COL25A1: variants seen among roughly 807,000 people sequenced by gnomAD.
The protein encoded by COL25A1 is collagen type XXV alpha 1 chain, also known as collagen alpha-1(XXV) chain.
COL25A1 carries 103 observed loss-of-function variants against 128.4 expected under a neutral mutation model. The ratio of observed to expected loss-of-function variants is 0.80; its 90% confidence interval spans 0.68 to 0.94. The LOEUF is 0.94. Ranked by LOEUF, COL25A1 falls within the 40% of genes least tolerant of loss-of-function variation. The probability of loss-of-function intolerance (pLI) is 0.00; values close to 1 mark genes in which losing one functional copy is unlikely to be tolerated. For synonymous variants in COL25A1, 279 were observed against 277.2 expected (o/e 1.01, Z -0.06); for missense variants, 745 against 840.0 (o/e 0.89, Z 1.40).
chr4:109,180,925 C>T (rs941364406), intron 3 of COL25A1, among the ~76,000 whole-genome samples: 37 of 152,026 alleles, frequency 2.4e-4, no homozygotes, highest in African/African-American at 8.7e-4. Context: ...AGAGATATAT[C>T]TTTTTTCTGA....
chr4:109,247,674 C>T (rs903818315), intron 3 of COL25A1, among the ~76,000 whole-genome samples: 1 of 152,106 alleles, frequency 6.6e-6, no homozygotes, highest in Non-Finnish European at 1.5e-5. Context: ...CAGATGAAGT[C>T]AGTCTTGAAC....
chr4:109,023,446 T>C (rs1486317888), intron 5 of COL25A1, among the ~76,000 whole-genome samples: 1 of 152,208 alleles, frequency 6.6e-6, no homozygotes, highest in Non-Finnish European at 1.5e-5. Flanking sequence ...GTTGATTAAA[T>C]AGTAACAAGA....
chr4:109,048,828 A>C (rs893865667), intron 4 of COL25A1, among the ~76,000 whole-genome samples: 10 of 152,128 alleles, frequency 6.6e-5, no homozygotes, highest in Admixed American at 6.5e-4. Flanking sequence ...CTTTTTCCCC[A>C]AAATCCTCTT....
intron 37 of COL25A1, among the ~76,000 whole-genome samples, chr4:108,816,900 C>T (rs551715252): frequency 1.7e-4 from 26 of 152,282 alleles, no homozygotes; most frequent in African/African-American, 4.8e-4. Flanking sequence ...CTAGAATAAA[C>T]TGATGTCATA....
intron 5 of COL25A1, among the ~76,000 whole-genome samples, chr4:109,045,462 T>G (rs1386121852): frequency 6.6e-6 from 1 of 152,188 alleles, no homozygotes; most frequent in Non-Finnish European, 1.5e-5. Flanking sequence ...ACTGTAATAA[T>G]CCCATTGTTC....
chr4:109,248,643 T>C (rs1266417106), intron 3 of COL25A1, among the ~76,000 whole-genome samples: 2 of 152,116 alleles, frequency 1.3e-5, no homozygotes, highest in African/African-American at 4.8e-5. Context: ...AAAGCACTAG[T>C]ACTTCGCAGC....
chr4:108,902,701 C>G (rs1325887688), intron 13 of COL25A1, among the ~76,000 whole-genome samples: 1 of 151,894 alleles, frequency 6.6e-6, no homozygotes, highest in Non-Finnish European at 1.5e-5. Flanking sequence ...GTCTTAACCT[C>G]CTGGAAAAAA....
chr4:108,943,899 C>A (rs924897668), intron 8 of COL25A1, among the ~76,000 whole-genome samples: 2 of 151,238 alleles, frequency 1.3e-5, no homozygotes, highest in African/African-American at 4.9e-5. Context: ...ATGGCCTAGG[C>A]TCTCCCTCTT....
At chr4:109,119,602 CACTT>C (rs1767929653) in intron 3 of COL25A1, among the ~76,000 whole-genome samples, 1 of 152,010 alleles carries the variant, frequency 6.6e-6, no homozygotes, top group Non-Finnish European at 1.5e-5. Context: ...TGCCCAAACT[CACTT>C]ACACAGATCT....
At position 108,980,543 on chromosome 4, in the gene COL25A1, G is replaced by A. The variant is rs76413366; in HGVS notation, c.439-5984C>T. On this transcript the variant is annotated intron_variant, in intron 6 of 37. Coordinates refer to ENST00000399132, the MANE Select transcript of COL25A1 (RefSeq NM_198721.4). ...TAGTGTTATATTTCAAATCCACAGT[G>A]TTGGCAGCGTCGGCTGGCCTAATTG... Among the ~76,000 whole-genome samples the A allele has an allele frequency of 4.9e-3, 742 of 152,318 alleles. 17 individuals carry two copies. The East Asian group carries it at 0.067, about 14-fold the overall frequency.
At chr4:109,139,249 T>G (rs191551190) in intron 3 of COL25A1, among the ~76,000 whole-genome samples, 1 of 152,210 alleles carries the variant, frequency 6.6e-6, no homozygotes, top group Non-Finnish European at 1.5e-5. Context: ...ATGGATAGAA[T>G]GCAAAAATTT....
chr4:108,953,067 C>T (rs572006656), intron 8 of COL25A1, among the ~76,000 whole-genome samples: 1 of 152,160 alleles, frequency 6.6e-6, no homozygotes, highest in South Asian at 2.1e-4. Context: ...GAAAATCATC[C>T]TGTACTTCCT....
intron 6 of COL25A1, among the ~76,000 whole-genome samples, chr4:109,004,080 A>G (rs1414313699): frequency 6.6e-6 from 1 of 151,758 alleles, no homozygotes; most frequent in Admixed American, 6.6e-5. Context: ...TCATTCTAAT[A>G]CCCTTTCACC....
intron 6 of COL25A1, among the ~76,000 whole-genome samples, chr4:108,999,671 G>A (rs1755157236): frequency 6.6e-6 from 1 of 152,152 alleles, no homozygotes; most frequent in South Asian, 2.1e-4. Context: ...GCACACGTAT[G>A]TTTATTACGG....
chr4:109,171,765 C>T (rs999266838), intron 3 of COL25A1, among the ~76,000 whole-genome samples: 8 of 152,164 alleles, frequency 5.3e-5, no homozygotes, highest in African/African-American at 1.9e-4. Flanking sequence ...GGCCACACAC[C>T]TTGAAATGCA....
At chr4:109,093,880 A>G (rs1034374871) in intron 3 of COL25A1, among the ~76,000 whole-genome samples, 3 of 152,088 alleles carry the variant, frequency 2.0e-5, no homozygotes, top group African/African-American at 7.2e-5. Context: ...TTCTAAATTT[A>G]TAGCAACTTA....
rs190773118 is a variant in COL25A1 at position 109,141,283 on chromosome 4, C to T, written c.368-91104G>A. Among the ~76,000 whole-genome samples the T allele has an allele frequency of 3.7e-4, 57 of 152,152 alleles. 1 individual carries two copies. Among genetic ancestry groups the T allele is most frequent in the Non-Finnish European group, 7.1e-4 (48 of 68,000 alleles). On this transcript the variant is annotated intron_variant, in intron 3 of 37. Transcript: ENST00000399132. ...CAGACTTGCATCCCAGAAATGAAGC[C>T]GACTTGATCGTGGTGGATAAGCTTT...
chr4:109,173,821 G>T (rs1773812727), intron 3 of COL25A1, among the ~76,000 whole-genome samples: 1 of 151,936 alleles, frequency 6.6e-6, no homozygotes, highest in Non-Finnish European at 1.5e-5. Context: ...CCATCAGTGA[G>T]GATTTGTATT....
intron 3 of COL25A1, among the ~76,000 whole-genome samples, chr4:109,277,371 A>T (rs1722943686): frequency 6.6e-6 from 1 of 152,226 alleles, no homozygotes; most frequent in East Asian, 1.9e-4. Context: ...GTCACAGATT[A>T]CAAGCAGTTG....
Sources: gnomAD v4.1 joint callset for allele counts (sites outside exome capture counted in the v4.1 genomes callset) on GRCh38, gnomAD v4.1.1 for gene constraint, MANE v1.5 for transcripts, NCBI Gene and HGNC (gene_info 2026-07-23, HGNC 2026-07-21) for gene names.